MAD1L1: variants seen among roughly 807,000 people sequenced by gnomAD.
MAD1L1 encodes the protein mitotic arrest deficient 1 like 1, also known as mitotic spindle assembly checkpoint protein MAD1.
A neutral mutation model predicts 96.9 loss-of-function variants in MAD1L1; 95 were observed. The ratio of observed to expected loss-of-function variants is 0.98; its 90% CI spans 0.83 to 1.16. MAD1L1 has a LOEUF of 1.16. Ranked by LOEUF, MAD1L1 falls within the 50% of genes most tolerant of loss-of-function variation. The pLI is 0.00. For missense variants in MAD1L1, 1,007 were observed against 954.4 expected, an observed-to-expected ratio of 1.06 and a Z score of -0.73; for synonymous variants, 473 against 396.6, an observed-to-expected ratio of 1.19 and a Z score of -2.29.
chr7:2,052,160 C>A (rs1024118206), intron 12 of MAD1L1, among the ~76,000 whole-genome samples: 1 of 152,146 alleles, frequency 6.6e-6, no homozygotes, highest in Admixed American at 6.5e-5. Context: ...AGAGCAGGAG[C>A]AGGGTGACCA....
intron 4 of MAD1L1, among the ~76,000 whole-genome samples, 179 bp from the exon 5 acceptor site, chr7:2,222,933 C>T (rs995495412): frequency 6.6e-6 from 1 of 152,232 alleles, no homozygotes; most frequent in African/African-American, 2.4e-5. Flanking sequence ...AGCGTTGGCA[C>T]CCCCGCTGTG....
chr7:2,001,676 G>A (rs574186806), intron 14 of MAD1L1, among the ~76,000 whole-genome samples: 130 of 152,372 alleles, frequency 8.5e-4, no homozygotes, highest in African/African-American at 3.0e-3. Flanking sequence ...GTCCCACTGG[G>A]GACTCGGGTC....
At chr7:1,822,901 G>A (rs994417330) in intron 18 of MAD1L1, among the ~76,000 whole-genome samples, 83 of 152,030 alleles carry the variant, frequency 5.5e-4, no homozygotes, top group Non-Finnish European at 1.0e-3. Context: ...GGCAGCGCTG[G>A]AGGGGAGATG....
chr7:2,019,469 G>C (rs1327221251), intron 12 of MAD1L1, among the ~76,000 whole-genome samples: 1 of 152,236 alleles, frequency 6.6e-6, no homozygotes, highest in Admixed American at 6.5e-5. Context: ...CTTGGGCAAG[G>C]GACCTAACGT....
At chr7:2,047,539 T>A (rs756662942) in intron 12 of MAD1L1, among the ~76,000 whole-genome samples, 39 of 152,268 alleles carry the variant, frequency 2.6e-4, no homozygotes, top group Non-Finnish European at 5.3e-4. Context: ...GCTTTATTGC[T>A]GTTTAATAAC....
intron 7 of MAD1L1, among the ~76,000 whole-genome samples, chr7:2,217,067 C>T (rs1017873065): frequency 2.6e-5 from 4 of 152,178 alleles, no homozygotes; most frequent in African/African-American, 9.7e-5. Flanking sequence ...TGTCTCAAGT[C>T]TGGTCCAGGA....
intron 3 of MAD1L1, among the ~76,000 whole-genome samples, chr7:2,226,164 A>C (rs916313647): frequency 6.6e-6 from 1 of 152,216 alleles, no homozygotes; most frequent in African/African-American, 2.4e-5. Flanking sequence ...CAAGCCCACC[A>C]GGGAGTGGAT....
At chr7:2,043,169 G>A (rs944302527) in intron 12 of MAD1L1, among the ~76,000 whole-genome samples, 6 of 152,142 alleles carry the variant, frequency 3.9e-5, no homozygotes, top group African/African-American at 4.8e-5. Flanking sequence ...AGTCAGCCAC[G>A]AAGACACTTC....
intron 14 of MAD1L1, among the ~76,000 whole-genome samples, chr7:1,982,568 C>G (rs759387727): frequency 3.9e-5 from 6 of 152,166 alleles, no homozygotes; most frequent in Non-Finnish European, 7.3e-5. Context: ...GTTTCCCGCC[C>G]CCTTCACTAA....
intron 12 of MAD1L1, among the ~76,000 whole-genome samples, chr7:2,016,438 G>GC (rs1373174646): frequency 1.3e-5 from 2 of 152,154 alleles, no homozygotes; most frequent in African/African-American, 4.8e-5. Context: ...GCACAAAACT[G>GC]CCAGGGTCCC....
chr7:1,858,325 G>A (rs1031548602), intron 18 of MAD1L1, among the ~76,000 whole-genome samples: 1 of 152,212 alleles, frequency 6.6e-6, no homozygotes, highest in Non-Finnish European at 1.5e-5. Flanking sequence ...CCCCAACTCC[G>A]TTCCTGGCCC....
chr7:2,060,452 C>A (rs776630564), intron 12 of MAD1L1, among the ~76,000 whole-genome samples: 2 of 152,024 alleles, frequency 1.3e-5, no homozygotes, highest in Non-Finnish European at 2.9e-5. Flanking sequence ...ACGCCGATGC[C>A]GAGATAACGC....
At chr7:1,878,236 C>G (rs1393141905) in intron 18 of MAD1L1, among the ~76,000 whole-genome samples, 1 of 151,880 alleles carries the variant, frequency 6.6e-6, no homozygotes, top group East Asian at 1.9e-4. Flanking sequence ...TGAATTCTAT[C>G]AGATATTTAG....
At chr7:1,867,396 T>G (rs958043336) in intron 18 of MAD1L1, among the ~76,000 whole-genome samples, 19 of 152,224 alleles carry the variant, frequency 1.2e-4, no homozygotes, top group African/African-American at 4.3e-4. Context: ...AAGGCGGCAC[T>G]GCAGCCTGAG....
intron 10 of MAD1L1, among the ~76,000 whole-genome samples, chr7:2,191,575 A>T (rs1791719550): frequency 6.6e-6 from 1 of 151,958 alleles, no homozygotes; most frequent in Non-Finnish European, 1.5e-5. Flanking sequence ...TACTAAAAAT[A>T]CAAAAATTAG....
chr7:1,969,146 G>C (rs965201396), intron 15 of MAD1L1, among the ~76,000 whole-genome samples: 3 of 152,206 alleles, frequency 2.0e-5, no homozygotes, highest in Non-Finnish European at 4.4e-5. Context: ...CACTTTGGGA[G>C]GCCGAGGTGA....
chr7:1,901,723 C>G lies in MAD1L1; in HGVS notation c.1808-3333G>C, dbSNP rs574881766. On this transcript the variant is annotated intron_variant, in intron 17 of 18. Transcript: ENST00000265854. The stretch of plus-strand genomic sequence containing the variant: ...TCTCCGCTGACCTCCAGGGCTACCC[C>G]AGGCTTAGAGCCAAACCGTAGGGAG... 2.6e-5 allele frequency among the ~76,000 whole-genome samples: 4 copies of G among 152,296 alleles called. No homozygotes were observed. The South Asian group carries it at 8.3e-4, about 32-fold the overall frequency.
chr7:2,032,630 G>T (rs1161849192), intron 12 of MAD1L1, among the ~76,000 whole-genome samples: 1 of 152,186 alleles, frequency 6.6e-6, no homozygotes, highest in African/African-American at 2.4e-5. Context: ...AGCATGAGGA[G>T]AATTCAAAAC....
chr7:1,901,497 T>C (rs1429757719), intron 17 of MAD1L1, among the ~76,000 whole-genome samples: 4 of 152,164 alleles, frequency 2.6e-5, no homozygotes, highest in African/African-American at 9.7e-5. Flanking sequence ...ACATAGGCAC[T>C]GCCCAGGCTG....
Sources: gnomAD v4.1 joint callset for allele counts (sites outside exome capture counted in the v4.1 genomes callset) on GRCh38, gnomAD v4.1.1 for gene constraint, MANE v1.5 for transcripts, NCBI Gene and HGNC (gene_info 2026-07-23, HGNC 2026-07-21) for gene names.